GTF3C1: variants seen among roughly 807,000 people sequenced by gnomAD.
GTF3C1 encodes the protein general transcription factor IIIC subunit 1.
A neutral mutation model predicts 226.7 loss-of-function variants in GTF3C1; 57 were observed. The observed-to-expected ratio is 0.25, with a 90% CI of 0.20 to 0.31. The LOEUF (loss-of-function observed/expected upper bound fraction) is 0.31, where lower values mean the gene tolerates loss of function less well. GTF3C1 is among the 10% of genes least tolerant of loss of function. The pLI is 1.00. For synonymous variants in GTF3C1, 1,090 were observed against 1,084.8 expected, an observed-to-expected ratio of 1.00 and a Z score of -0.09; for missense variants, 2,217 against 2,776.1, an observed-to-expected ratio of 0.80 and a Z score of 4.53.
chr16:27,495,093 C>G (rs547404491), intron 15 of GTF3C1, 118 bp downstream of exon 15: 1 of 876,802 alleles, frequency 1.1e-6, no homozygotes, highest in Non-Finnish European at 1.8e-6. Flanking sequence ...GATTATGTTT[C>G]CATTTGGATC....
intron 6 of GTF3C1, among the ~76,000 whole-genome samples, chr16:27,524,715 T>C (rs2088803276): frequency 6.6e-6 from 1 of 152,232 alleles, no homozygotes; most frequent in Non-Finnish European, 1.5e-5. Flanking sequence ...GGAACTAAGG[T>C]TCCTCCTTAG....
intron 29 of GTF3C1, among the ~76,000 whole-genome samples, chr16:27,473,129 C>T (rs976532556): frequency 6.6e-6 from 1 of 152,204 alleles, no homozygotes; most frequent in African/African-American, 2.4e-5. Context: ...AGGCTGGTCT[C>T]AAACTCCTGG....
At chr16:27,537,713 T>C (rs191240233) in intron 4 of GTF3C1, 71 bp downstream of exon 4, 183 of 1,133,588 alleles carry the variant, frequency 1.6e-4, no homozygotes, top group Non-Finnish European at 2.3e-4. Flanking sequence ...CAGCTGCCCC[T>C]ACAATTTTTA....
In GTF3C1 at chr16:27,461,306, T is replaced by C. The variant is rs1357143961; in HGVS notation, c.*44A>G. On this transcript the variant is annotated 3_prime_UTR_variant, in exon 37 of 37. Coordinates refer to ENST00000356183, the MANE Select transcript of GTF3C1 (RefSeq NM_001520.4). The surrounding 1 kb of genome is among the most constrained non-coding windows in gnomAD (Gnocchi z 5.3). ...TCTGCCGAGCACCAGGCAGGAGTGG[T>C]GTGGCAGGCGGTGGCTGGGAGGGAG... The C allele has an allele frequency of 3.2e-6, 4 of 1,265,016 alleles. No homozygotes were observed. Among genetic ancestry groups the C allele is most frequent in the African/African-American group, 1.5e-5 (1 of 68,314 alleles). The allele number at this position is 1,265,016 out of a possible 1,614,324, so 78.4% of individuals were successfully genotyped here.
At position 27,524,910 on chromosome 16, in the gene GTF3C1, T is replaced by C. The variant is rs138343053; in HGVS notation, c.973+3688A>G. On this transcript the variant is annotated intron_variant, in intron 6 of 36. Transcript: ENST00000356183. The stretch of plus-strand genomic sequence containing the variant: ...GGCTCACGCCTGTAATCCCAGCACT[T>C]TGGGAGGCTGAGGCGGGCAGATCAC... Among the ~76,000 whole-genome samples, 1,012 of 152,228 alleles carry C rather than the reference T, an allele frequency of 6.6e-3. 14 individuals carry two copies. The highest frequency in any genetic ancestry group is 0.023 in the African/African-American group (969 of 41,532).
At position 27,492,566 on chromosome 16, in the gene GTF3C1, G is replaced by A. The variant is rs745634349; in HGVS notation, c.2973+51C>T. The stretch of plus-strand genomic sequence containing the variant: ...AACCCACATTGGGTCTGGCTGCTTG[G>A]AGACCGTTTAACAATCAGAATTTCC... On this transcript the variant is annotated intron_variant, in intron 18 of 36. Coordinates refer to ENST00000356183, the MANE Select transcript of GTF3C1 (RefSeq NM_001520.4). The surrounding 1 kb of genome is among the most constrained non-coding windows in gnomAD (Gnocchi z 5.0). 1.9e-6 allele frequency: 3 copies of A among 1,542,938 alleles called. No individual in the cohort carries two copies. The highest frequency in any genetic ancestry group is 1.4e-5 in the African/African-American group (1 of 73,684).
At chr16:27,519,697 G>A (rs1368379286) in intron 6 of GTF3C1, among the ~76,000 whole-genome samples, 1 of 152,000 alleles carries the variant, frequency 6.6e-6, no homozygotes, top group African/African-American at 2.4e-5. Flanking sequence ...AAGAGGGCAA[G>A]AGAAAAGAGA....
chr16:27,484,576 A>G (rs947273826), intron 24 of GTF3C1, among the ~76,000 whole-genome samples: 3 of 152,222 alleles, frequency 2.0e-5, no homozygotes, highest in African/African-American at 7.2e-5. Context: ...ACCAGCGGGA[A>G]AGAGTGTATT....
chr16:27,489,510 G>T, intron 20 of GTF3C1, 92 bp downstream of exon 20: 1 of 1,019,880 alleles, frequency 9.8e-7, no homozygotes, highest in Non-Finnish European at 1.4e-6. Context: ...CGTCTGGCCT[G>T]ACATCCTAAG....
At chr16:27,487,295 T>C (rs937715805) in intron 23 of GTF3C1, among the ~76,000 whole-genome samples, 1 of 152,264 alleles carries the variant, frequency 6.6e-6, no homozygotes, top group Non-Finnish European at 1.5e-5. Context: ...AACAGGTTCC[T>C]GTTTAAACAT....
At chr16:27,482,634 G>C (rs796385776) in intron 26 of GTF3C1, 6 of 457,926 alleles carry the variant, frequency 1.3e-5, no homozygotes, top group African/African-American at 1.2e-4. Flanking sequence ...CAGCCTCTGA[G>C]GCGAAGGGCA....
intron 7 of GTF3C1, among the ~76,000 whole-genome samples, chr16:27,511,016 G>T (rs1245115535): frequency 6.6e-6 from 1 of 152,142 alleles, no homozygotes; most frequent in East Asian, 1.9e-4. Context: ...TGCTAGTGTG[G>T]ATACTTTCAC....
chr16:27,549,761 G>C lies in GTF3C1; in HGVS notation c.130C>G (p.Gln44Glu), dbSNP rs780276937. The C allele has an allele frequency of 5.6e-6, 9 of 1,612,782 alleles. No individual in the cohort carries two copies. The highest frequency in any genetic ancestry group is 1.7e-5 in the Admixed American group (1 of 60,006). ...PFPLPLEPCT[Q>E]EFLWRALATH... ...GCGAGGGCCCGCCAGAGAAACTCCT[G>C]CGTGCAGGGTTCCAAAGGCAGCGGG... The change falls in exon 1 of 37, where the codon CAG becomes GAG. Residue 44 changes from glutamine (Q) to glutamate (E), a missense_variant. Physicochemically the swap from Gln to Glu is conservative, Grantham distance 29. This residue lies in a region of GTF3C1 where 192 missense variants were observed against 251.8 expected (regional missense o/e 0.76). Transcript: ENST00000356183.
At chr16:27,503,057 C>G (rs1330855796) in intron 10 of GTF3C1, 62 bp from the exon 11 acceptor site, 2 of 1,350,688 alleles carry the variant, frequency 1.5e-6, no homozygotes, top group African/African-American at 2.9e-5. Context: ...GGCCACGCAC[C>G]ACACCTGTGG....
chr16:27,462,473 C>T lies in GTF3C1; in HGVS notation c.5938G>A (p.Val1980Ile). Residue 1980 changes from valine (V) to isoleucine (I), a missense_variant, in exon 36 of 37, where the codon GTC becomes ATC. By Grantham distance (29) the Val-to-Ile change is conservative. Around this residue, in one of 12 missense-constraint regions of GTF3C1, gnomAD observed 153 missense variants for 199.8 expected, o/e 0.77. Coordinates refer to ENST00000356183, the MANE Select transcript of GTF3C1 (RefSeq NM_001520.4). This position sits in a 1 kb window ranked among gnomAD's most constrained non-coding sequence, Gnocchi z 4.5. ...CGCCACGGCCGGCCGATGAAGCAGACACTCTCACAGTCCCTGCAGGGAGAG... is the reference window on the plus strand; with the variant it reads ...CGCCACGGCCGGCCGATGAAGCAGATACTCTCACAGTCCCTGCAGGGAGAG... Reference protein sequence around the residue: ...QAARERDCESVCFIGRPWRVV... With the variant: ...QAARERDCESICFIGRPWRVV... 2.5e-6 allele frequency: 4 copies of T among 1,613,622 alleles called. No homozygotes were observed. Among genetic ancestry groups the T allele is most frequent in the Non-Finnish European group, 3.4e-6 (4 of 1,179,662 alleles).
At chr16:27,488,771 G>T in intron 21 of GTF3C1, 136 bp from the exon 22 acceptor site, 2 of 737,790 alleles carry the variant, frequency 2.7e-6, no homozygotes, top group South Asian at 1.7e-5. Context: ...GGAGTCTCCT[G>T]CCACCCGCTT....
At chr16:27,505,311 A>G (rs899609311) in intron 10 of GTF3C1, among the ~76,000 whole-genome samples, 4 of 152,322 alleles carry the variant, frequency 2.6e-5, no homozygotes, top group Admixed American at 2.0e-4. Flanking sequence ...TTTATGACAA[A>G]TGATATTGGC....
intron 6 of GTF3C1, among the ~76,000 whole-genome samples, chr16:27,524,481 A>T (rs1336304192): frequency 1.3e-5 from 2 of 152,224 alleles, no homozygotes; most frequent in East Asian, 3.8e-4. Flanking sequence ...TAGATAATTC[A>T]GATGAGGAAA....
chr16:27,460,917 C>A lies in GTF3C1; in HGVS notation c.*433G>T. On this transcript the variant is annotated 3_prime_UTR_variant, in exon 37 of 37. Transcript: ENST00000356183. ...AGGGGCCACAGCCCCCATGGGGGGC[C>A]CCTCGCAGCGGGGCACACCGATCCC... is the stretch of plus-strand genomic sequence containing the variant. 1 of 156,210 alleles carries A rather than the reference C, an allele frequency of 6.4e-6. No homozygotes were observed. The highest frequency in any genetic ancestry group is 6.1e-5 in the Admixed American group (1 of 16,286). The allele number at this position is 156,210 out of a possible 1,614,324, so 9.7% of individuals were successfully genotyped here.
Sources: gnomAD v4.1 joint callset for allele counts (sites outside exome capture counted in the v4.1 genomes callset) on GRCh38, gnomAD v4.1.1 for gene constraint, gnomAD v4.1.1 regional missense constraint, Gnocchi (gnomAD v3.1) non-coding constraint, MANE v1.5 for transcripts, NCBI Gene and HGNC (gene_info 2026-07-23, HGNC 2026-07-21) for gene names.